GALNT15: variants seen among roughly 807,000 people sequenced by gnomAD.
The protein encoded by GALNT15 is polypeptide N-acetylgalactosaminyltransferase 15.
GALNT15 carries 67 observed loss-of-function variants against 66.8 expected under a neutral mutation model. That is an observed-to-expected ratio of 1.00 (90% confidence interval 0.82 to 1.23). The LOEUF is 1.23. Ranked by LOEUF, GALNT15 falls within the 50% of genes most tolerant of loss-of-function variation. The pLI, the probability that GALNT15 is intolerant of heterozygous loss-of-function variation, is 0.00. For synonymous variants in GALNT15, 313 were observed against 311.5 expected (o/e 1.00, Z -0.05); for missense variants, 827 against 804.3 (o/e 1.03, Z -0.34).
At chr3:16,197,265 A>G (rs1322214473) in intron 2 of GALNT15, among the ~76,000 whole-genome samples, 2 of 151,986 alleles carry the variant, frequency 1.3e-5, no homozygotes, top group African/African-American at 4.8e-5. Flanking sequence ...GCCCCACCAG[A>G]GGGGATCTGG....
rs77573018 is a variant in GALNT15, at chr3:16,200,066, C to T, written c.707-553C>T. On this transcript the variant is annotated intron_variant, in intron 2 of 9. Coordinates refer to ENST00000339732, the MANE Select transcript of GALNT15 (RefSeq NM_054110.5). This position sits in a 1 kb window ranked among gnomAD's most constrained non-coding sequence, Gnocchi z 4.4. ...GGCTGGGGAGGCCTCAGGAAACTTA[C>T]AATCATGGTGGAAGGGGAAGCATGT... Among the ~76,000 whole-genome samples, 14 of 152,158 alleles carry T rather than the reference C, an allele frequency of 9.2e-5. No homozygotes were observed. The East Asian group carries it at 9.7e-4, about 10-fold the overall frequency.
chr3:16,208,676 T>A lies in GALNT15; in HGVS notation c.1079+6T>A. The A allele has an allele frequency of 6.2e-7, 1 of 1,612,082 alleles. No individual in the cohort carries two copies. The highest frequency in any genetic ancestry group is 8.5e-7 in the Non-Finnish European group (1 of 1,178,760). ...TCCCCCATAAGCCCCATCAGGTGAGTCCCCATTTCACACCTGCTTTGCCAT... is the reference window on the plus strand; with the variant it reads ...TCCCCCATAAGCCCCATCAGGTGAGACCCCATTTCACACCTGCTTTGCCAT... On this transcript the variant is annotated splice_donor_region_variant and intron_variant, in intron 4 of 9. Coordinates refer to ENST00000339732, the MANE Select transcript of GALNT15 (RefSeq NM_054110.5).
chr3:16,185,907 T>C (rs2063512361), intron 1 of GALNT15, among the ~76,000 whole-genome samples: 1 of 152,208 alleles, frequency 6.6e-6, no homozygotes, highest in Non-Finnish European at 1.5e-5. Context: ...GTCCATGATC[T>C]AGTGCTGTAT....
chr3:16,223,969 A>G (rs188365829), intron 9 of GALNT15, among the ~76,000 whole-genome samples: 50 of 152,294 alleles, frequency 3.3e-4, no homozygotes, highest in African/African-American at 1.0e-3. Flanking sequence ...CCGGGATTAC[A>G]GTTGTCAGCC....
chr3:16,220,658 G>A (rs950510502), intron 8 of GALNT15, among the ~76,000 whole-genome samples: 17 of 152,192 alleles, frequency 1.1e-4, no homozygotes, highest in African/African-American at 3.6e-4. Context: ...GGACTTTTAA[G>A]TTATCACATC....
Position 16,204,981 on chromosome 3 carries a change from C to T in GALNT15, c.912-3522C>T, listed in dbSNP as rs1329413259. 6.6e-6 allele frequency among the ~76,000 whole-genome samples: 1 copy of T among 152,188 alleles called. No homozygotes were observed. The highest frequency in any genetic ancestry group is 1.5e-5 in the Non-Finnish European group (1 of 68,024). ...TGTGTGTGCGCGCGCATGTGCGCGTCAAGGAGCAGCAGGAGGTCAGGATGC... is the reference window on the plus strand; with the variant it reads ...TGTGTGTGCGCGCGCATGTGCGCGTTAAGGAGCAGCAGGAGGTCAGGATGC... On this transcript the variant is annotated intron_variant, in intron 3 of 9. Coordinates refer to ENST00000339732, the MANE Select transcript of GALNT15 (RefSeq NM_054110.5). This position sits in a 1 kb window ranked among gnomAD's most constrained non-coding sequence, Gnocchi z 4.5.
At position 16,186,909 on chromosome 3, in the gene GALNT15, C is replaced by T. The variant is rs999341703; in HGVS notation, c.540-8851C>T. 3.9e-5 allele frequency among the ~76,000 whole-genome samples: 6 copies of T among 152,212 alleles called. No homozygotes were observed. Among genetic ancestry groups the T allele is most frequent in the East Asian group, 3.9e-4 (2 of 5,180 alleles). On this transcript the variant is annotated intron_variant, in intron 1 of 9. Coordinates refer to ENST00000339732, the MANE Select transcript of GALNT15 (RefSeq NM_054110.5). This position sits in a 1 kb window ranked among gnomAD's most constrained non-coding sequence, Gnocchi z 5.1. ...TTATACTTGAATCCATGGAATTGTACACTTTATAAAGGTGGACATTATGGT... is the reference window on the plus strand; with the variant it reads ...TTATACTTGAATCCATGGAATTGTATACTTTATAAAGGTGGACATTATGGT...
intron 1 of GALNT15, among the ~76,000 whole-genome samples, chr3:16,179,224 G>A (rs1002599453): frequency 3.9e-5 from 6 of 152,178 alleles, no homozygotes; most frequent in Non-Finnish European, 8.8e-5. Context: ...ACTCTTCATA[G>A]AAAACCTCTA....
chr3:16,244,139 T>G, the GALNT15 span: 5 of 404,988 alleles, frequency 1.2e-5, no homozygotes, highest in Non-Finnish European at 6.7e-6. Flanking sequence ...CCTAAAGCTC[T>G]TTTGAAGTCT....
chr3:16,211,610 T>C lies in GALNT15; in HGVS notation c.1197+369T>C, dbSNP rs972101084. On this transcript the variant is annotated intron_variant, in intron 5 of 9. Coordinates refer to ENST00000339732, the MANE Select transcript of GALNT15 (RefSeq NM_054110.5). This position sits in a 1 kb window ranked among gnomAD's most constrained non-coding sequence, Gnocchi z 4.3. ...AAACAAATACCTGAAGTTCTGTGTA[T>C]TGAGTAGTTTGGTCCAAACAATGTA... Among the ~76,000 whole-genome samples, 3 of 152,232 alleles carry C rather than the reference T, an allele frequency of 2.0e-5. No homozygotes were observed. The highest frequency in any genetic ancestry group is 2.9e-5 in the Non-Finnish European group (2 of 68,036).
intron 6 of GALNT15, among the ~76,000 whole-genome samples, chr3:16,216,502 A>G (rs1351352629): frequency 8.3e-4 from 2 of 2,418 alleles, no homozygotes; most frequent in African/African-American, 0.016. Context: ...CTGTCTCGGG[A>G]AAAAAAAAAA....
At chr3:16,240,250 T>C in the GALNT15 span, among the ~76,000 whole-genome samples, 1 of 146,564 alleles carries the variant, frequency 6.8e-6, no homozygotes, top group African/African-American at 2.5e-5. Context: ...GAATTCTAGT[T>C]CTTAGGATTA....
At position 16,200,904 on chromosome 3, in the gene GALNT15, C is replaced by T; in HGVS notation, c.911+81C>T. ...CAGCATCAGCCACTCACAGAGCAACCCACCTATTAATTCCTGAATCTCCAT... is the reference window on the plus strand; with the variant it reads ...CAGCATCAGCCACTCACAGAGCAACTCACCTATTAATTCCTGAATCTCCAT... On this transcript the variant is annotated intron_variant, in intron 3 of 9. Transcript: ENST00000339732. The surrounding 1 kb of genome is among the most constrained non-coding windows in gnomAD (Gnocchi z 4.4). 2.8e-6 allele frequency: 3 copies of T among 1,065,960 alleles called. No individual in the cohort carries two copies. The highest frequency in any genetic ancestry group is 4.0e-6 in the Non-Finnish European group (3 of 751,332). 66.0% of individuals were successfully genotyped at this position (1,065,960 alleles called of 1,614,324 possible).
At chr3:16,208,846 C>T (rs1212915869) in intron 4 of GALNT15, among the ~76,000 whole-genome samples, 176 bp downstream of exon 4, 3 of 152,176 alleles carry the variant, frequency 2.0e-5, no homozygotes, top group Non-Finnish European at 4.4e-5. Context: ...AAGGGTTACC[C>T]TATAAGGGTT....
At chr3:16,235,301 A>G (rs1384746927), downstream of GALNT15, among the ~76,000 whole-genome samples, 1 of 152,194 alleles carries the variant, frequency 6.6e-6, no homozygotes, top group African/African-American at 2.4e-5. Flanking sequence ...GAGAGAGGCC[A>G]TGAGTGTTCC....
intron 3 of GALNT15, among the ~76,000 whole-genome samples, 192 bp downstream of exon 3, chr3:16,201,015 CTT>C (rs1491460125): frequency 1.6e-4 from 23 of 146,484 alleles, no homozygotes; most frequent in African/African-American, 6.1e-4. Context: ...GGTTAGAGGT[CTT>C]CATCTACCTT....
At chr3:16,221,975 A>G (rs1460999074) in intron 8 of GALNT15, among the ~76,000 whole-genome samples, 1 of 152,210 alleles carries the variant, frequency 6.6e-6, no homozygotes, top group Non-Finnish European at 1.5e-5. Flanking sequence ...GCCCCATGTG[A>G]CTGCACAGGT....
At position 16,227,268 on chromosome 3, in the gene GALNT15, G is replaced by T; in HGVS notation, c.1774-86G>T. On this transcript the variant is annotated intron_variant, in intron 9 of 9. Transcript: ENST00000339732. The surrounding 1 kb of genome is among the most constrained non-coding windows in gnomAD (Gnocchi z 4.5). The stretch of plus-strand genomic sequence containing the variant: ...TCACACCATCTGTTATTCTCTTAAT[G>T]ATTAGCACAAATCTTAAAAATATTT... 1 of 1,385,636 alleles carries T rather than the reference G, an allele frequency of 7.2e-7. No homozygotes were observed. Among genetic ancestry groups the T allele is most frequent in the Non-Finnish European group, 9.9e-7 (1 of 1,012,824 alleles). 85.8% of individuals were successfully genotyped at this position (1,385,636 alleles called of 1,614,324 possible).
Position 16,211,136 on chromosome 3 carries a change from G to A in GALNT15, c.1092G>A (p.Val364=), listed in dbSNP as rs1391938098. 6.2e-7 allele frequency: 1 copy of A among 1,612,854 alleles called. No individual in the cohort carries two copies. The highest frequency in any genetic ancestry group is 1.1e-5 in the South Asian group (1 of 91,034). The part of the protein sequence containing the change: ...SPISPIRSPV[V]PGEVVAMDRH... ...CTTCTGTGTCCAGGAGCCCTGTGGT[G>A]CCCGGAGAGGTGGTGGCCATGGACA... is the stretch of plus-strand genomic sequence containing the variant. The change falls in exon 5 of 10, where the codon GTG becomes GTA. Residue 364 remains valine (V), a synonymous_variant. Transcript: ENST00000339732. The surrounding 1 kb of genome is among the most constrained non-coding windows in gnomAD (Gnocchi z 4.3).
Sources: allele counts gnomAD v4.1 joint callset (sites outside exome capture counted in the v4.1 genomes callset), GRCh38; gene constraint gnomAD v4.1.1; non-coding constraint Gnocchi (gnomAD v3.1); transcripts MANE v1.5; gene names NCBI Gene and HGNC (gene_info 2026-07-23, HGNC 2026-07-21).